The following RASA3 variants were observed in gnomAD, a reference collection of about 807,000 sequenced individuals.
RASA3 encodes the protein RAS p21 protein activator 3.
RASA3 carries 73 observed loss-of-function variants against 110.0 expected under a neutral mutation model. The observed-to-expected ratio is 0.66, with a 90% CI of 0.55 to 0.81. The LOEUF (loss-of-function observed/expected upper bound fraction) is 0.81, where lower values mean the gene tolerates loss of function less well. Among genes scored for constraint, RASA3 ranks in the 30% least tolerant of loss-of-function variants. RASA3 has a pLI of 0.00. For synonymous variants in RASA3, 500 were observed against 451.4 expected, an observed-to-expected ratio of 1.11 and a Z score of -1.37; for missense variants, 976 against 1,113.2, an observed-to-expected ratio of 0.88 and a Z score of 1.75.
At chr13:114,075,140 T>C (rs1257993846) in intron 1 of RASA3, among the ~76,000 whole-genome samples, 1 of 152,182 alleles carries the variant, frequency 6.6e-6, no homozygotes, top group Non-Finnish European at 1.5e-5. Context: ...CTGGCGCCAC[T>C]CAGGGCCACA....
rs530366978 is a variant in RASA3 at position 114,076,790 on chromosome 13, C to T, written c.56-2953G>A. Reference sequence around the variant, plus strand: ...CCAGCAAGTCGGACAGGGGCCCCTCCAGCCTCCCGGCCCTGTTTTGGAACT... The same window carrying T: ...CCAGCAAGTCGGACAGGGGCCCCTCTAGCCTCCCGGCCCTGTTTTGGAACT... On this transcript the variant is annotated intron_variant, in intron 1 of 23. Coordinates refer to ENST00000334062, the MANE Select transcript of RASA3 (RefSeq NM_007368.4). Among the ~76,000 whole-genome samples, 239 of 152,292 alleles carry T rather than the reference C, an allele frequency of 1.6e-3. 2 individuals carry two copies. Among genetic ancestry groups the T allele is most frequent in the African/African-American group, 5.5e-3 (229 of 41,564 alleles).
At chr13:114,025,380 C>T (rs1420253767) in intron 7 of RASA3, among the ~76,000 whole-genome samples, 4 of 152,368 alleles carry the variant, frequency 2.6e-5, no homozygotes, top group African/African-American at 9.6e-5. Context: ...TTCCCCATCT[C>T]ACAAAACTCA....
At position 114,014,014 on chromosome 13, in the gene RASA3, C is replaced by CCA. The variant is rs2053730927; in HGVS notation, c.1406-767_1406-766insTG. ...CATCTCTCTCCGTCTGTCTCTGTCT[C>CCA]TCTCCATCTCTCTCTCTCCGTCTCT... On this transcript the variant is annotated intron_variant, in intron 14 of 23. Coordinates refer to ENST00000334062, the MANE Select transcript of RASA3 (RefSeq NM_007368.4). This position sits in a 1 kb window ranked among gnomAD's most constrained non-coding sequence, Gnocchi z 4.5. Among the ~76,000 whole-genome samples, 1 of 73,066 alleles carries CCA rather than the reference C, an allele frequency of 1.4e-5. No homozygotes were observed. The highest frequency in any genetic ancestry group is 9.2e-5 in the African/African-American group (1 of 10,880). 47.9% of individuals were successfully genotyped at this position (73,066 alleles called of 152,430 possible).
chr13:114,052,189 C>T, intron 2 of RASA3, 34 bp from the exon 3 acceptor site: 1 of 1,475,352 alleles, frequency 6.8e-7, no homozygotes. Context: ...AGTTAGAACA[C>T]AGGCCACGCT....
rs1373434617 is a variant in RASA3 at position 114,073,806 on chromosome 13, C to A, written c.87G>T (p.Gly29=). The part of the protein sequence containing the change: ...GEAKNLPSYP[G]PSKMRDCYCT... ...AGTAGCAATCCCTCATCTTGCTCGG[C>A]CCCGGGTAAGAGGGAAGGTTTTTGG... The change falls in exon 2 of 24, where the codon GGG becomes GGT. Residue 29 remains glycine (G), a synonymous_variant. Coordinates refer to ENST00000334062, the MANE Select transcript of RASA3 (RefSeq NM_007368.4). 11 of 1,614,040 alleles carry A rather than the reference C, an allele frequency of 6.8e-6. No individual in the cohort carries two copies. Among genetic ancestry groups the A allele is most frequent in the Non-Finnish European group, 9.3e-6 (11 of 1,180,008 alleles).
At chr13:114,053,266 G>A (rs910252937) in intron 2 of RASA3, among the ~76,000 whole-genome samples, 12 of 151,166 alleles carry the variant, frequency 7.9e-5, no homozygotes, top group Admixed American at 2.6e-4. Flanking sequence ...AGATGCAGCC[G>A]CCCCACAGAG....
intron 1 of RASA3, among the ~76,000 whole-genome samples, chr13:114,107,173 G>A (rs1024326046): frequency 6.6e-5 from 10 of 151,740 alleles, no homozygotes; most frequent in Middle Eastern, 3.4e-3. Flanking sequence ...TGACCCTCAC[G>A]GGGTACGTGG....
At chr13:114,018,979 T>C (rs1018475220) in intron 9 of RASA3, 60 bp from the exon 10 acceptor site, 12 of 1,598,912 alleles carry the variant, frequency 7.5e-6, no homozygotes, top group Non-Finnish European at 1.0e-5. Context: ...GGAGCAGCTC[T>C]CAGGGAAGCC....
chr13:114,013,085 C>A (rs28714290), intron 15 of RASA3, 57 bp downstream of exon 15: 251,529 of 1,482,666 alleles, frequency 0.17, 23,835 homozygotes, highest in Middle Eastern at 0.21. Context: ...ATGCCCCAAC[C>A]CAGGCCGGCG....
Position 114,041,121 on chromosome 13 carries a change from C to T in RASA3, c.278-27G>A, listed in dbSNP as rs1049379806. The T allele has an allele frequency of 4.4e-6, 7 of 1,601,024 alleles. No individual in the cohort carries two copies. In the Middle Eastern group the frequency reaches 6.6e-4, roughly 151 times the overall value. ...TGCAACACAAGCAGAGAAGACTTCACCACGGGCACAGGCCCCAGAGCCAGG... is the reference window on the plus strand; with the variant it reads ...TGCAACACAAGCAGAGAAGACTTCATCACGGGCACAGGCCCCAGAGCCAGG... On this transcript the variant is annotated intron_variant, in intron 3 of 23. Coordinates refer to ENST00000334062, the MANE Select transcript of RASA3 (RefSeq NM_007368.4).
At chr13:114,128,424 C>A (rs1249283630) in intron 1 of RASA3, among the ~76,000 whole-genome samples, 1 of 152,272 alleles carries the variant, frequency 6.6e-6, no homozygotes, top group Middle Eastern at 3.2e-3. Flanking sequence ...GTGTCAGCTG[C>A]CACTTCTAGC....
chr13:114,019,850 T>C (rs1328586528), intron 9 of RASA3, among the ~76,000 whole-genome samples: 3 of 80,570 alleles, frequency 3.7e-5, no homozygotes, highest in African/African-American at 1.9e-4. Context: ...GTGGAGCCTG[T>C]GTCCGAGGCA....
intron 8 of RASA3, among the ~76,000 whole-genome samples, chr13:114,023,580 G>A (rs1243319421): frequency 6.6e-6 from 1 of 152,254 alleles, no homozygotes; most frequent in African/African-American, 2.4e-5. Flanking sequence ...CGGGGTTTGT[G>A]AAGGGCACAT....
Position 114,112,898 on chromosome 13 carries a change from G to C in RASA3, c.55+19537C>G, listed in dbSNP as rs1016743876. Among the ~76,000 whole-genome samples, 2 of 152,188 alleles carry C rather than the reference G, an allele frequency of 1.3e-5. No homozygotes were observed. The highest frequency in any genetic ancestry group is 4.8e-5 in the African/African-American group (2 of 41,452). ...TCAGAGAGTGAATGAGAGGCCAGCAGGGGGCTGGGAAGGTGCTTAGCTCAG... is the reference window on the plus strand; with the variant it reads ...TCAGAGAGTGAATGAGAGGCCAGCACGGGGCTGGGAAGGTGCTTAGCTCAG... On this transcript the variant is annotated intron_variant, in intron 1 of 23. Coordinates refer to ENST00000334062, the MANE Select transcript of RASA3 (RefSeq NM_007368.4). This position sits in a 1 kb window ranked among gnomAD's most constrained non-coding sequence, Gnocchi z 4.8.
chr13:114,088,038 G>A (rs768391605), intron 1 of RASA3, among the ~76,000 whole-genome samples: 7 of 152,164 alleles, frequency 4.6e-5, no homozygotes, highest in Non-Finnish European at 1.0e-4. Context: ...GGCTGAGGTG[G>A]GAGGATCACT....
chr13:114,087,681 C>T (rs969827244), intron 1 of RASA3, among the ~76,000 whole-genome samples: 1 of 152,224 alleles, frequency 6.6e-6, no homozygotes, highest in Admixed American at 6.5e-5. Context: ...ATGGGGCTGA[C>T]GGCTCCCGGG....
In RASA3 at chr13:114,030,538, G is replaced by A. The variant is rs113725557; in HGVS notation, c.373-651C>T. ...CACAGAGAGCAAGACTCACACAGAG[G>A]GCAAGACTCACACAGACAGCAAGGC... is the stretch of plus-strand genomic sequence containing the variant. On this transcript the variant is annotated intron_variant, in intron 4 of 23. Coordinates refer to ENST00000334062, the MANE Select transcript of RASA3 (RefSeq NM_007368.4). Among the ~76,000 whole-genome samples the A allele has an allele frequency of 7.4e-4, 90 of 121,630 alleles. 5 individuals carry two copies. Among genetic ancestry groups the A allele is most frequent in the African/African-American group, 2.4e-3 (82 of 33,540 alleles). The allele number at this position is 121,630 out of a possible 152,430, so 79.8% of individuals were successfully genotyped here. A position where few individuals can be genotyped will look rare whatever the true frequency, so the allele number is the denominator to read the frequency against.
intron 2 of RASA3, among the ~76,000 whole-genome samples, chr13:114,072,117 C>A (rs904921479): frequency 6.6e-6 from 1 of 152,136 alleles, no homozygotes; most frequent in African/African-American, 2.4e-5. Context: ...CATGCTTCCC[C>A]CGAGGCCGCA....
intron 1 of RASA3, among the ~76,000 whole-genome samples, chr13:114,081,648 CAG>C (rs1318565293): frequency 6.6e-6 from 1 of 152,218 alleles, no homozygotes; most frequent in African/African-American, 2.4e-5. Flanking sequence ...CGATTGCAGA[CAG>C]GGGACCTCTC....
Sources: allele counts gnomAD v4.1 joint callset (sites outside exome capture counted in the v4.1 genomes callset), GRCh38; gene constraint gnomAD v4.1.1; non-coding constraint Gnocchi (gnomAD v3.1); transcripts MANE v1.5; gene names NCBI Gene and HGNC (gene_info 2026-07-23, HGNC 2026-07-21).